Variants in NIPSNAP1 observed in about 807,000 individuals in gnomAD.
The protein encoded by NIPSNAP1 is protein NipSnap homolog 1.
NIPSNAP1 carries 25 observed loss-of-function variants against 49.2 expected under a neutral mutation model. The observed-to-expected ratio is 0.51, with a 90% CI of 0.37 to 0.71. NIPSNAP1 has a LOEUF of 0.71. NIPSNAP1 is among the 30% of genes least tolerant of loss of function. NIPSNAP1 has a pLI of 0.00. For missense variants in NIPSNAP1, 294 were observed against 361.0 expected, an observed-to-expected ratio of 0.81 and a Z score of 1.50; for synonymous variants, 143 against 140.7, an observed-to-expected ratio of 1.02 and a Z score of -0.12.
At chr22:29,575,001 G>A (rs978307972) in intron 1 of NIPSNAP1, among the ~76,000 whole-genome samples, 2 of 152,114 alleles carry the variant, frequency 1.3e-5, no homozygotes, top group Non-Finnish European at 2.9e-5. Context: ...TAAGGGACTT[G>A]CCCAAGGCCG....
intron 3 of NIPSNAP1, 93 bp downstream of exon 3, chr22:29,570,069 G>T: frequency 1.0e-6 from 1 of 985,582 alleles, no homozygotes; most frequent in Non-Finnish European, 1.6e-6. Flanking sequence ...GATTTCTACA[G>T]AAAAGAACAG....
In NIPSNAP1 at chr22:29,572,532, A is replaced by G. The variant is rs191794322; in HGVS notation, c.99-2000T>C. 4.7e-4 allele frequency among the ~76,000 whole-genome samples: 71 copies of G among 150,730 alleles called. 1 individual carries two copies. The highest frequency in any genetic ancestry group is 1.7e-3 in the African/African-American group (68 of 41,072). ...TCCATCTCTACAAAAAAAATAATAAATATGACTGGCTTATGCCTGTAATCC... is the reference window on the plus strand; with the variant it reads ...TCCATCTCTACAAAAAAAATAATAAGTATGACTGGCTTATGCCTGTAATCC... On this transcript the variant is annotated intron_variant, in intron 1 of 9. Coordinates refer to ENST00000216121, the MANE Select transcript of NIPSNAP1 (RefSeq NM_003634.4).
intron 1 of NIPSNAP1, among the ~76,000 whole-genome samples, chr22:29,574,289 A>AAGAG (rs2064434384): frequency 8.0e-6 from 1 of 125,266 alleles, no homozygotes; most frequent in Non-Finnish European, 1.6e-5. Flanking sequence ...AAAAAAAAAA[A>AAGAG]AAAGAAAGAA....
intron 6 of NIPSNAP1, 34 bp downstream of exon 6, chr22:29,561,472 G>T (rs778385643): frequency 6.2e-7 from 1 of 1,613,300 alleles, no homozygotes; most frequent in South Asian, 1.1e-5. Context: ...CAGGGAAATT[G>T]GGGGGCAGGA....
Position 29,558,949 on chromosome 22 carries a change from A to G in NIPSNAP1, c.711T>C (p.Tyr237=), listed in dbSNP as rs1233541347. The G allele has an allele frequency of 6.2e-7, 1 of 1,612,488 alleles. No individual in the cohort carries two copies. Among genetic ancestry groups the G allele is most frequent in the Non-Finnish European group, 8.5e-7 (1 of 1,179,116 alleles). The change falls in exon 9 of 10, where the codon TAT becomes TAC. Residue 237 remains tyrosine (Y), a synonymous_variant. Coordinates refer to ENST00000216121, the MANE Select transcript of NIPSNAP1 (RefSeq NM_003634.4). ...ELYVVHHLWA[Y]KDLQSREETR... is the part of the protein sequence containing the mutation. ...TCTCCTCCCGAGACTGCAGGTCTTT[A>G]TAGGCTGTGAGAAAGGCACAGGCTC...
At chr22:29,559,114 C>T (rs1025329035) in intron 8 of NIPSNAP1, among the ~76,000 whole-genome samples, 161 bp from the exon 9 acceptor site, 14 of 152,232 alleles carry the variant, frequency 9.2e-5, no homozygotes, top group Non-Finnish European at 8.8e-5. Flanking sequence ...TTTAATCATC[C>T]ATCCAATCAG....
At position 29,569,080 on chromosome 22, in the gene NIPSNAP1, A is replaced by G. The variant is rs577961597; in HGVS notation, c.367+113T>C. The G allele has an allele frequency of 7.4e-5, 60 of 813,568 alleles. 1 individual carries two copies. The East Asian group carries it at 1.5e-3, about 21-fold the overall frequency. 50.4% of individuals were successfully genotyped at this position (813,568 alleles called of 1,614,324 possible). On this transcript the variant is annotated intron_variant, in intron 4 of 9. Coordinates refer to ENST00000216121, the MANE Select transcript of NIPSNAP1 (RefSeq NM_003634.4). The stretch of plus-strand genomic sequence containing the variant: ...GGGAGTGAGGTGATGAGGTTTTAGT[A>G]AGAGCCCCACCAGGTGCTGTTGTGG...
intron 1 of NIPSNAP1, chr22:29,579,970 A>C (rs1257054769): frequency 1.3e-6 from 1 of 774,724 alleles, no homozygotes; most frequent in Non-Finnish European, 1.9e-6. Flanking sequence ...CAAAAGCCCC[A>C]CTGCTCTGTG....
intron 1 of NIPSNAP1, among the ~76,000 whole-genome samples, chr22:29,573,326 C>T (rs555671452): frequency 8.7e-4 from 132 of 152,096 alleles, no homozygotes; most frequent in Non-Finnish European, 1.5e-3. Context: ...TGAGCCACTG[C>T]GCTGGGCCAA....
chr22:29,581,059 G>T lies in NIPSNAP1; in HGVS notation c.24C>A (p.Ile8=), dbSNP rs963808058. MAPRLCS[I]SVTARRLLGG... ...CCAGCAGCCGCCGCGCCGTCACAGA[G>T]ATGCTGCACAGCCGCGGAGCCATGT... is the stretch of plus-strand genomic sequence containing the variant. The change falls in exon 1 of 10, where the codon ATC becomes ATA. Residue 8 remains isoleucine, a synonymous_variant. Transcript: ENST00000216121. 5.1e-5 allele frequency: 79 copies of T among 1,541,342 alleles called. 2 individuals are homozygous for T. In the Admixed American group the frequency reaches 1.5e-3, roughly 30 times the overall value.
chr22:29,561,067 T>G, intron 7 of NIPSNAP1, 104 bp downstream of exon 7: 1 of 1,126,102 alleles, frequency 8.9e-7, no homozygotes, highest in Non-Finnish European at 1.3e-6. Context: ...AGGTAAAGAG[T>G]TCCCTGTGAT....
chr22:29,573,229 G>T (rs2146614523), intron 1 of NIPSNAP1, among the ~76,000 whole-genome samples: 1 of 152,122 alleles, frequency 6.6e-6, no homozygotes, highest in Admixed American at 6.6e-5. Context: ...TAGAGACGGG[G>T]TTTTACTATG....
intron 1 of NIPSNAP1, among the ~76,000 whole-genome samples, chr22:29,578,053 A>G (rs1462773178): frequency 6.6e-6 from 1 of 150,454 alleles, no homozygotes; most frequent in Non-Finnish European, 1.5e-5. Flanking sequence ...CGCACACACC[A>G]TGCCCAGCTA....
In NIPSNAP1 at chr22:29,578,965, A is replaced by G. The variant is rs143590317; in HGVS notation, c.98+2020T>C. Reference sequence around the variant, plus strand: ...AAGATGATCTTCCCAGAGCCCTTTGAGCCTCAACATTATGTGGGTCACATG... The same window carrying G: ...AAGATGATCTTCCCAGAGCCCTTTGGGCCTCAACATTATGTGGGTCACATG... On this transcript the variant is annotated intron_variant, in intron 1 of 9. Transcript: ENST00000216121. Among the ~76,000 whole-genome samples the G allele has an allele frequency of 4.8e-4, 73 of 151,416 alleles. 5 individuals are homozygous for G. The highest frequency in any genetic ancestry group is 1.8e-3 in the African/African-American group (72 of 40,734).
At position 29,569,299 on chromosome 22, in the gene NIPSNAP1, G is replaced by A. The variant is rs1316084652; in HGVS notation, c.273-12C>T. The A allele has an allele frequency of 1.9e-6, 3 of 1,606,188 alleles. No homozygotes were observed. Among genetic ancestry groups the A allele is most frequent in the Admixed American group, 3.3e-5 (2 of 59,914 alleles). On this transcript the variant is annotated splice_polypyrimidine_tract_variant and intron_variant, in intron 3 of 9. Coordinates refer to ENST00000216121, the MANE Select transcript of NIPSNAP1 (RefSeq NM_003634.4). The stretch of plus-strand genomic sequence containing the variant: ...GCAGCACAGCCTCCCTGTGGGGGAG[G>A]TGCAGAGAGGGGCAGGGTTCACATA...
rs1191586708 is a variant in NIPSNAP1 at position 29,554,876 on chromosome 22, T to A, written c.*1059A>T. The A allele has an allele frequency of 2.0e-5, 3 of 152,802 alleles. No homozygotes were observed. In the South Asian group the frequency reaches 6.2e-4, roughly 32 times the overall value. 9.5% of individuals were successfully genotyped at this position (152,802 alleles called of 1,614,324 possible). On this transcript the variant is annotated 3_prime_UTR_variant, in exon 10 of 10. Transcript: ENST00000216121. ...AAGTTTTCCTGGATGGTAGGCAGAA[T>A]CAAGCTACCCAAGGGTTCATGATGA...
At chr22:29,576,380 TA>T (rs952760002) in intron 1 of NIPSNAP1, among the ~76,000 whole-genome samples, 1 of 138,856 alleles carries the variant, frequency 7.2e-6, no homozygotes, top group Non-Finnish European at 1.6e-5. Context: ...TACTAAAAAT[TA>T]AAAACAAAAA....
At chr22:29,575,510 G>A (rs1193394258) in intron 1 of NIPSNAP1, among the ~76,000 whole-genome samples, 3 of 152,244 alleles carry the variant, frequency 2.0e-5, no homozygotes, top group African/African-American at 4.8e-5. Context: ...ACATCTGCAA[G>A]AGTACAAATG....
At position 29,581,052 on chromosome 22, in the gene NIPSNAP1, TCA is replaced by T; in HGVS notation, c.29_30del (p.Val10AspfsTer30). 6.5e-7 allele frequency: 1 copy of T among 1,540,352 alleles called. No individual in the cohort carries two copies. The highest frequency in any genetic ancestry group is 8.7e-7 in the Non-Finnish European group (1 of 1,145,686). On this transcript the variant is annotated frameshift_variant, in exon 1 of 10. Transcript: ENST00000216121. LOFTEE classifies it high-confidence loss of function. MAPRLCSISVTARRLLGGPG... is the reference protein window; with the variant it reads MAPRLCSISXTARRLLGGPG... ...GGGCCCCCCAGCAGCCGCCGCGCCG[TCA>T]CAGAGATGCTGCACAGCCGCGGAGC... is the stretch of plus-strand genomic sequence containing the variant.
Sources: gnomAD v4.1 joint callset for allele counts (sites outside exome capture counted in the v4.1 genomes callset) on GRCh38, gnomAD v4.1.1 for gene constraint, MANE v1.5 for transcripts, NCBI Gene and HGNC (gene_info 2026-07-23, HGNC 2026-07-21) for gene names.